RERG: variants seen among roughly 807,000 people sequenced by gnomAD.
The protein encoded by RERG is ras-related and estrogen-regulated growth inhibitor.
In RERG, 25 loss-of-function variants were observed where a neutral mutation model predicts 23.2. The observed-to-expected ratio is 1.08, with a 90% CI of 0.79 to 1.50. The LOEUF is 1.50. Ranked by LOEUF, RERG falls within the 40% of genes most tolerant of loss-of-function variation. RERG has a pLI of 0.00. For synonymous variants in RERG, 81 were observed against 89.1 expected (o/e 0.91, Z 0.51); for missense variants, 253 against 250.1 (o/e 1.01, Z -0.08).
At chr12:15,166,562 T>G (rs556467866) in intron 2 of RERG, among the ~76,000 whole-genome samples, 147 of 149,476 alleles carry the variant, frequency 9.8e-4, no homozygotes, top group African/African-American at 2.9e-3. Flanking sequence ...GGTGGTGGTG[T>G]TGGTGGTGGT....
intron 2 of RERG, among the ~76,000 whole-genome samples, chr12:15,188,339 G>A (rs1188641651): frequency 6.6e-6 from 1 of 152,132 alleles, no homozygotes; most frequent in African/African-American, 2.4e-5. Context: ...CCAAGCTTGG[G>A]TAACCACTGT....
chr12:15,158,876 A>T (rs1864562810), intron 2 of RERG, among the ~76,000 whole-genome samples: 1 of 151,876 alleles, frequency 6.6e-6, no homozygotes. Context: ...TTAAGGTGGC[A>T]TTTTTTTAGA....
At position 15,127,325 on chromosome 12, in the gene RERG, T is replaced by C. The variant is rs529937194; in HGVS notation, c.62-6206A>G. Reference sequence around the variant, plus strand: ...TGAATGAGAAAACAATGAAAATTTCTTTAAGCTATGTGGCTCCACTATTGC... The same window carrying C: ...TGAATGAGAAAACAATGAAAATTTCCTTAAGCTATGTGGCTCCACTATTGC... On this transcript the variant is annotated intron_variant, in intron 2 of 4. Coordinates refer to ENST00000256953, the MANE Select transcript of RERG (RefSeq NM_032918.3). Among the ~76,000 whole-genome samples, 3 of 152,384 alleles carry C rather than the reference T, an allele frequency of 2.0e-5. No individual in the cohort carries two copies. The South Asian group carries it at 6.2e-4, about 32-fold the overall frequency.
chr12:15,109,152 G>C lies in RERG; in HGVS notation c.558C>G (p.Val186=), dbSNP rs780401105. 1.2e-6 allele frequency: 2 copies of C among 1,603,080 alleles called. No homozygotes were observed. Among genetic ancestry groups the C allele is most frequent in the South Asian group, 2.3e-5 (2 of 88,686 alleles). Residue 186 remains valine, a synonymous_variant, in exon 5 of 5, where the codon GTC becomes GTG. Coordinates refer to ENST00000256953, the MANE Select transcript of RERG (RefSeq NM_032918.3). ...TGAGCATCTTGTTAATGGCTTGCTTGACATGCGTGGTGGAGCTGCGTCGCC... is the reference window on the plus strand; with the variant it reads ...TGAGCATCTTGTTAATGGCTTGCTTCACATGCGTGGTGGAGCTGCGTCGCC... ...KTRRRSSTTH[V]KQAINKMLTK...
At chr12:15,168,003 A>G (rs1288011105) in intron 2 of RERG, among the ~76,000 whole-genome samples, 1 of 152,202 alleles carries the variant, frequency 6.6e-6, no homozygotes, top group Non-Finnish European at 1.5e-5. Context: ...CATTATGCCT[A>G]CAAGTCTGGC....
chr12:15,162,296 T>C (rs1864626846), intron 2 of RERG, among the ~76,000 whole-genome samples: 1 of 152,142 alleles, frequency 6.6e-6, no homozygotes. Context: ...CAGGAGAAAG[T>C]ATGTCTTACA....
intron 2 of RERG, among the ~76,000 whole-genome samples, chr12:15,163,153 A>C (rs553009660): frequency 2.6e-4 from 39 of 152,340 alleles, no homozygotes; most frequent in African/African-American, 9.1e-4. Context: ...ACAATGCCAG[A>C]AGCACTACAC....
At chr12:15,196,757 G>A (rs1381876818) in intron 2 of RERG, among the ~76,000 whole-genome samples, 2 of 152,124 alleles carry the variant, frequency 1.3e-5, no homozygotes, top group East Asian at 3.9e-4. Flanking sequence ...TAGGTATTTT[G>A]TACATAATTA....
At chr12:15,170,831 C>G (rs1214190324) in intron 2 of RERG, among the ~76,000 whole-genome samples, 2 of 152,186 alleles carry the variant, frequency 1.3e-5, no homozygotes, top group East Asian at 1.9e-4. Flanking sequence ...GTCTAAATCA[C>G]TTTCCTAAAA....
chr12:15,111,878 G>A (rs997060623), intron 3 of RERG, among the ~76,000 whole-genome samples: 1 of 152,030 alleles, frequency 6.6e-6, no homozygotes, highest in African/African-American at 2.4e-5. Context: ...GTTTCACCAT[G>A]TTGGCCAGGC....
At chr12:15,109,638 G>A (rs535816816) in intron 4 of RERG, 121 bp from the exon 5 acceptor site, 10 of 737,544 alleles carry the variant, frequency 1.4e-5, no homozygotes, top group South Asian at 1.3e-4. Flanking sequence ...TTAAAATGTC[G>A]TGGTACTCTA....
At chr12:15,161,113 C>A (rs1367699876) in intron 2 of RERG, among the ~76,000 whole-genome samples, 1 of 129,996 alleles carries the variant, frequency 7.7e-6, no homozygotes, top group Non-Finnish European at 1.6e-5. Context: ...GCAGCCTAGG[C>A]AACAGAGTGA....
chr12:15,115,772 C>G (rs1452659864), intron 3 of RERG, among the ~76,000 whole-genome samples: 1 of 152,036 alleles, frequency 6.6e-6, no homozygotes, highest in African/African-American at 2.4e-5. Flanking sequence ...TTTTTGACCG[C>G]TGTTTTCTGT....
chr12:15,135,998 G>A (rs1035843090), intron 2 of RERG, among the ~76,000 whole-genome samples: 2 of 152,136 alleles, frequency 1.3e-5, no homozygotes, highest in South Asian at 2.1e-4. Flanking sequence ...TTAAATGATA[G>A]AACTCACTAG....
At chr12:15,185,406 G>A (rs1864976441) in intron 2 of RERG, among the ~76,000 whole-genome samples, 1 of 152,054 alleles carries the variant, frequency 6.6e-6, no homozygotes, top group Admixed American at 6.6e-5. Context: ...GCTCTTTAGG[G>A]AGCTTGCAAT....
chr12:15,156,271 A>G (rs1264581607), intron 2 of RERG, among the ~76,000 whole-genome samples: 2 of 152,196 alleles, frequency 1.3e-5, no homozygotes, highest in Non-Finnish European at 2.9e-5. Flanking sequence ...TCATCATGGA[A>G]GGCAGTGCCA....
chr12:15,167,472 C>G (rs1864711976), intron 2 of RERG, among the ~76,000 whole-genome samples: 1 of 152,148 alleles, frequency 6.6e-6, no homozygotes, highest in Admixed American at 6.5e-5. Flanking sequence ...TTCAGTCGGT[C>G]TAGGGTGGGG....
intron 2 of RERG, among the ~76,000 whole-genome samples, chr12:15,196,674 C>T (rs565059389): frequency 2.0e-5 from 3 of 152,228 alleles, no homozygotes; most frequent in Admixed American, 6.5e-5. Flanking sequence ...CTGCCGCTCT[C>T]TGGGATGAGA....
intron 2 of RERG, among the ~76,000 whole-genome samples, chr12:15,181,172 A>C (rs1345771315): frequency 6.6e-6 from 1 of 152,210 alleles, no homozygotes; most frequent in Non-Finnish European, 1.5e-5. Flanking sequence ...GTCCTCAACC[A>C]GCCCTGGATA....
Sources: allele counts gnomAD v4.1 joint callset (sites outside exome capture counted in the v4.1 genomes callset), GRCh38; gene constraint gnomAD v4.1.1; transcripts MANE v1.5; gene names NCBI Gene and HGNC (gene_info 2026-07-23, HGNC 2026-07-21).